Variants in FNIP2 observed in about 807,000 individuals in gnomAD.
FNIP2 encodes the protein folliculin-interacting protein 2.
In FNIP2, 32 loss-of-function variants were observed where a neutral mutation model predicts 108.7. The ratio of observed to expected loss-of-function variants is 0.29; its 90% CI spans 0.22 to 0.40. The LOEUF is 0.40. FNIP2 is among the 10% of genes least tolerant of loss of function. FNIP2 has a pLI of 1.00. For missense variants in FNIP2, 1,202 were observed against 1,381.6 expected, an observed-to-expected ratio of 0.87 and a Z score of 2.06; for synonymous variants, 480 against 496.7, an observed-to-expected ratio of 0.97 and a Z score of 0.45.
chr4:158,818,396 T>G (rs1777691765), intron 1 of FNIP2, among the ~76,000 whole-genome samples: 1 of 152,242 alleles, frequency 6.6e-6, no homozygotes, highest in Non-Finnish European at 1.5e-5. Context: ...TTCAGTCTTT[T>G]GTCCTTTTCT....
At chr4:158,836,783 T>C (rs1380328351) in intron 7 of FNIP2, 2 of 112,904 alleles carry the variant, frequency 1.8e-5, no homozygotes, top group African/African-American at 3.5e-5. Flanking sequence ...GCCACTATAC[T>C]CCAGGCTGGA....
chr4:158,898,283 CTT>C (rs1782872834), intron 16 of FNIP2, among the ~76,000 whole-genome samples: 2 of 152,156 alleles, frequency 1.3e-5, no homozygotes, highest in Non-Finnish European at 2.9e-5. Flanking sequence ...ATGCCTCCAG[CTT>C]TGTTCTTTTT....
chr4:158,828,928 T>C (rs754074602), intron 2 of FNIP2, 151 bp from the exon 3 acceptor site: 117 of 617,258 alleles, frequency 1.9e-4, no homozygotes, highest in Admixed American at 6.6e-4. Context: ...CCAAACCATG[T>C]TTTTGTCATT....
At chr4:158,893,551 A>G (rs908346221) in intron 15 of FNIP2, 1 of 614,490 alleles carries the variant, frequency 1.6e-6, no homozygotes, top group East Asian at 2.8e-5. Context: ...CAAACTGTTT[A>G]TTTGGGCTTT....
intron 1 of FNIP2, among the ~76,000 whole-genome samples, chr4:158,797,012 C>G (rs562869326): frequency 7.0e-4 from 107 of 152,328 alleles, no homozygotes; most frequent in African/African-American, 2.5e-3. Flanking sequence ...TCTGCTGATT[C>G]AGAGCTGAAT....
At chr4:158,821,364 T>G (rs1018207197) in intron 1 of FNIP2, among the ~76,000 whole-genome samples, 1 of 152,244 alleles carries the variant, frequency 6.6e-6, no homozygotes, top group African/African-American at 2.4e-5. Context: ...TGGTCAGCTA[T>G]TTTTAGGCAA....
At chr4:158,831,983 T>C (rs766136603) in intron 4 of FNIP2, 22 bp downstream of exon 4, 1 of 1,604,174 alleles carries the variant, frequency 6.2e-7, no homozygotes, top group East Asian at 2.2e-5. Context: ...CTTCCTTTTC[T>C]ACTAGTTTTG....
In FNIP2 at chr4:158,861,688, C is replaced by T; in HGVS notation, c.1377C>T (p.Pro459=). 2 of 1,614,040 alleles carry T rather than the reference C, an allele frequency of 1.2e-6. No individual in the cohort carries two copies. Among genetic ancestry groups the T allele is most frequent in the Non-Finnish European group, 1.7e-6 (2 of 1,179,896 alleles). The change falls in exon 12 of 17, where the codon CCC becomes CCT. Residue 459 remains proline (P), a synonymous_variant. Transcript: ENST00000264433. ...VPTVMPVDHP[P]IKAFSEKRTS... is the part of the protein sequence containing the mutation. ...CTGTCATGCCTGTGGATCACCCTCC[C>T]ATCAAAGCCTTCTCAGAGAAACGTA... is the stretch of plus-strand genomic sequence containing the variant.
chr4:158,873,164 AAC>A (rs1781057579), intron 14 of FNIP2, among the ~76,000 whole-genome samples: 3 of 152,102 alleles, frequency 2.0e-5, no homozygotes, highest in Admixed American at 1.3e-4. Context: ...AAAAAGAAAA[AAC>A]AAACCTATTT....
chr4:158,785,798 C>T (rs1049982953), intron 1 of FNIP2, among the ~76,000 whole-genome samples: 2 of 151,496 alleles, frequency 1.3e-5, no homozygotes, highest in Non-Finnish European at 2.9e-5. Context: ...AATTCACTGC[C>T]AAGAAATGTA....
intron 1 of FNIP2, among the ~76,000 whole-genome samples, chr4:158,802,693 G>A (rs1008203089): frequency 3.9e-4 from 59 of 152,310 alleles, no homozygotes; most frequent in African/African-American, 1.3e-3. Context: ...TTTTTCTCAG[G>A]TGTCAAATCT....
At chr4:158,899,625 A>C (rs1783020328) in intron 16 of FNIP2, among the ~76,000 whole-genome samples, 1 of 152,162 alleles carries the variant, frequency 6.6e-6, no homozygotes, top group Non-Finnish European at 1.5e-5. Flanking sequence ...TAGATTTTCT[A>C]GTTTATTTGA....
rs1779282012 is a variant in FNIP2, at chr4:158,844,284, G to A, written c.728-7037G>A. ...TCAATGAATATTTGAATGAGGGGGG[G>A]AAAATAAATCCATCCATATATATAA... is the stretch of plus-strand genomic sequence containing the variant. On this transcript the variant is annotated intron_variant, in intron 7 of 16. Coordinates refer to ENST00000264433, the MANE Select transcript of FNIP2 (RefSeq NM_020840.3). Among the ~76,000 whole-genome samples, 3 of 152,148 alleles carry A rather than the reference G, an allele frequency of 2.0e-5. No homozygotes were observed. The South Asian group carries it at 6.2e-4, about 32-fold the overall frequency.
At chr4:158,878,630 GA>G (rs1781411135) in intron 14 of FNIP2, among the ~76,000 whole-genome samples, 1 of 152,136 alleles carries the variant, frequency 6.6e-6, no homozygotes, top group Admixed American at 6.5e-5. Context: ...ATAGGAAAAT[GA>G]AACATAGCTC....
chr4:158,863,414 A>T (rs1780403658), intron 12 of FNIP2, among the ~76,000 whole-genome samples: 1 of 152,268 alleles, frequency 6.6e-6, no homozygotes. Context: ...ATCTGGAATC[A>T]TTCCAAAGAC....
intron 10 of FNIP2, 50 bp from the exon 11 acceptor site, chr4:158,861,292 A>G (rs1376992872): frequency 6.4e-7 from 1 of 1,564,336 alleles, no homozygotes; most frequent in South Asian, 1.2e-5. Context: ...AAGATTATCC[A>G]AAATAGTATT....
intron 14 of FNIP2, among the ~76,000 whole-genome samples, chr4:158,877,212 C>T (rs367735828): frequency 1.1e-4 from 17 of 152,308 alleles, no homozygotes; most frequent in African/African-American, 3.6e-4. Flanking sequence ...AAGTTATGTA[C>T]GGTATCTTCA....
At chr4:158,892,703 T>G (rs190995317) in intron 15 of FNIP2, among the ~76,000 whole-genome samples, 1 of 151,692 alleles carries the variant, frequency 6.6e-6, no homozygotes, top group Non-Finnish European at 1.5e-5. Context: ...CAGAGACAGG[T>G]GTGTGAGGAA....
chr4:158,807,004 C>T (rs535976596), intron 1 of FNIP2, among the ~76,000 whole-genome samples: 3 of 152,158 alleles, frequency 2.0e-5, no homozygotes, highest in Middle Eastern at 3.4e-3. Flanking sequence ...ATTTCATCCA[C>T]GTTCTTCCGT....
Sources: gnomAD v4.1 joint callset for allele counts (sites outside exome capture counted in the v4.1 genomes callset) on GRCh38, gnomAD v4.1.1 for gene constraint, MANE v1.5 for transcripts, NCBI Gene and HGNC (gene_info 2026-07-23, HGNC 2026-07-21) for gene names.